The following SHOX variants were observed in gnomAD, a reference collection of about 807,000 sequenced individuals.
SHOX encodes the protein SHOX homeobox.
In SHOX, 12 loss-of-function variants were observed where a neutral mutation model predicts 29.6. The ratio of observed to expected loss-of-function variants is 0.41; its 90% CI spans 0.26 to 0.66. The LOEUF (loss-of-function observed/expected upper bound fraction) is 0.66. Ranked by LOEUF, SHOX falls within the 30% of genes least tolerant of loss-of-function variation. The pLI, the probability that SHOX is intolerant of heterozygous loss-of-function variation, is 0.35. For synonymous variants in SHOX, 214 were observed against 200.6 expected, an observed-to-expected ratio of 1.07 and a Z score of -0.57; for missense variants, 499 against 437.7, an observed-to-expected ratio of 1.14 and a Z score of -1.25.
Position 624,993 on chromosome X carries a change from TTTCC to T in SHOX, c.-433+400_-433+403del, listed in dbSNP as rs1338713963. On this transcript the variant is annotated intron_variant, in intron 1 of 5. Coordinates refer to the SHOX transcript ENST00000334060. Reference sequence around the variant, plus strand: ...TTTCCTTTTCTTTTCCAGAAAGCTTTTTCCTTCCTTCCCTCCTTCCTTCCTTCTC... The same window carrying T: ...TTTCCTTTTCTTTTCCAGAAAGCTTTTTCCTTCCCTCCTTCCTTCCTTCTC... Among the ~76,000 whole-genome samples the T allele has an allele frequency of 2.0e-5, 3 of 149,828 alleles. No homozygotes were observed. In the Admixed American group the frequency reaches 2.0e-4, roughly 10 times the overall value.
chrX:624,701 T>TTTCTTTTCTTTCTTTCTTTC (rs1556451347), intron 1 of SHOX: 1 of 105,370 alleles, frequency 9.5e-6, no homozygotes, highest in African/African-American at 4.0e-5. Context: ...TTCCTCTTTC[T>TTTCTTTTCTTTCTTTCTTTC]TTTCTTTCTT....
chrX:654,602 T>A (rs28647947), downstream of SHOX, among the ~76,000 whole-genome samples: 46,003 of 123,704 alleles, frequency 0.37, 7,157 homozygotes, highest in African/African-American at 0.52. Flanking sequence ...TTATAACAAT[T>A]AAAAAAAGTC....
intron 1 of SHOX, among the ~76,000 whole-genome samples, chrX:625,574 C>G (rs1300702343): frequency 3.3e-5 from 5 of 149,762 alleles, no homozygotes; most frequent in Non-Finnish European, 7.4e-5. Flanking sequence ...GTATCTCTGT[C>G]CATCTCTGTC....
chrX:631,935 C>G (rs953858025), intron 1 of SHOX: 1 of 455,996 alleles, frequency 2.2e-6, no homozygotes, highest in African/African-American at 2.0e-5. Context: ...GCCTTCCCAG[C>G]GCTCAGCGCC....
intron 2 of SHOX, among the ~76,000 whole-genome samples, chrX:639,245 G>C (rs1418115477): frequency 1.3e-5 from 2 of 152,202 alleles, no homozygotes; most frequent in African/African-American, 2.4e-5. Flanking sequence ...TCCTTAGAGG[G>C]GCAGAATGCC....
intron 1 of SHOX, among the ~76,000 whole-genome samples, chrX:625,174 C>A (rs1211005887): frequency 7.5e-6 from 1 of 133,792 alleles, no homozygotes; most frequent in African/African-American, 2.8e-5. Flanking sequence ...CCCCCATCCT[C>A]CCCCTTCATC....
In SHOX at chrX:640,999, G is replaced by T; in HGVS notation, c.545G>T (p.Gly182Val). Reference sequence around the variant, plus strand: ...TGACACCTGCTCCCTTTGGACACAGGCGTCATCTTGGGCACAGCCAACCAC... The same window carrying T: ...TGACACCTGCTCCCTTTGGACACAGTCGTCATCTTGGGCACAGCCAACCAC... ...CRKQENQMHK[G>V]VILGTANHLD... Residue 182 changes from glycine to valine, a missense_variant and splice_region_variant, in exon 4 of 5, where the codon GGC becomes GTC. Gly to Val is a moderately radical substitution (Grantham distance 109). Transcript: ENST00000686671. 1 of 1,613,792 alleles carries T rather than the reference G, an allele frequency of 6.2e-7. No homozygotes were observed. Among genetic ancestry groups the T allele is most frequent in the Non-Finnish European group, 8.5e-7 (1 of 1,179,844 alleles).
At chrX:641,720 A>G (rs2052857679) in intron 4 of SHOX, among the ~76,000 whole-genome samples, 1 of 150,566 alleles carries the variant, frequency 6.6e-6, no homozygotes. Context: ...GGCTGTAAAA[A>G]TCCACTTTTG....
Position 650,605 on chromosome X carries a change from C to G in SHOX, c.*5969C>G, listed in dbSNP as rs2053039475. Among the ~76,000 whole-genome samples, 1 of 151,430 alleles carries G rather than the reference C, an allele frequency of 6.6e-6. No homozygotes were observed. Among genetic ancestry groups the G allele is most frequent in the African/African-American group, 2.4e-5 (1 of 41,178 alleles). ...CTGACCTTTCTAACATTTGTTTTCC[C>G]CTAAGAACAAGCAGAAGCCTCCAGC... On this transcript the variant is annotated 3_prime_UTR_variant, in exon 5 of 5. Transcript: ENST00000686671.
chrX:654,458 C>T (rs1192997899), downstream of SHOX, among the ~76,000 whole-genome samples: 22 of 151,820 alleles, frequency 1.4e-4, no homozygotes, highest in Admixed American at 1.4e-3. Flanking sequence ...TGGAAGAATC[C>T]TTGAAAGTAT....
upstream of SHOX, among the ~76,000 whole-genome samples, chrX:626,299 G>GTC (rs1265582772): frequency 7.1e-5 from 9 of 126,406 alleles, no homozygotes; most frequent in African/African-American, 2.5e-4. Context: ...CTCTACCTCT[G>GTC]TCTCTCTCTC....
chrX:629,013 A>C (rs1172421520), upstream of SHOX, among the ~76,000 whole-genome samples: 37 of 40,010 alleles, frequency 9.2e-4, no homozygotes, highest in East Asian at 1.9e-3. Flanking sequence ...CTCTCTCTCC[A>C]TCTCTCTGTC....
Position 650,840 on chromosome X carries a change from G to C in SHOX, c.*6204G>C, listed in dbSNP as rs1430779950. Among the ~76,000 whole-genome samples, 1 of 121,718 alleles carries C rather than the reference G, an allele frequency of 8.2e-6. No homozygotes were observed. Among genetic ancestry groups the C allele is most frequent in the African/African-American group, 3.1e-5 (1 of 32,668 alleles). 79.9% of individuals were successfully genotyped at this position (121,718 alleles called of 152,430 possible). A position where few individuals can be genotyped will look rare whatever the true frequency, so the allele number is the denominator to read the frequency against. ...AAAAACTGGTGCCTAATTTATTAAAGAGAATTAGCTTAGCGAGTATATGCT... is the reference window on the plus strand; with the variant it reads ...AAAAACTGGTGCCTAATTTATTAAACAGAATTAGCTTAGCGAGTATATGCT... On this transcript the variant is annotated 3_prime_UTR_variant, in exon 5 of 5. Coordinates refer to ENST00000686671, the MANE Select transcript of SHOX (RefSeq NM_000451.4).
rs546139011 is a variant in SHOX, at chrX:650,072, C to T, written c.*5436C>T. 8.4e-4 allele frequency: 382 copies of T among 453,678 alleles called. 4 individuals carry two copies. Among genetic ancestry groups the T allele is most frequent in the South Asian group, 5.9e-3 (376 of 64,104 alleles). The allele number at this position is 453,678 out of a possible 1,614,324, so 28.1% of individuals were successfully genotyped here. ...AATTGCCAAGAGTTAGAAAAATGCA[C>T]CTTCTCTGGTGGCCGTTGGGGTGTT... On this transcript the variant is annotated 3_prime_UTR_variant, in exon 5 of 5. Transcript: ENST00000686671.
chrX:632,874 CCGG>C (rs2052675655), intron 1 of SHOX, among the ~76,000 whole-genome samples: 1 of 152,114 alleles, frequency 6.6e-6, no homozygotes, highest in Non-Finnish European at 1.5e-5. Context: ...TTCGCAGCGC[CCGG>C]CGGCCGCTTC....
intron 4 of SHOX, 139 bp from the exon 5 acceptor site, chrX:644,252 G>C: frequency 9.0e-7 from 1 of 1,115,212 alleles, no homozygotes. Context: ...AGGCGGGTGT[G>C]GGGTGGTCTC....
chrX:636,723 T>TATAAA (rs767545020), intron 2 of SHOX, among the ~76,000 whole-genome samples: 365 of 9,852 alleles, frequency 0.037, 152 homozygotes, highest in African/African-American at 0.094. Flanking sequence ...TATATATACA[T>TATAAA]AAAATATATA....
chrX:639,069 G>A (rs1196180214), intron 2 of SHOX, among the ~76,000 whole-genome samples: 6 of 152,334 alleles, frequency 3.9e-5, no homozygotes, highest in Admixed American at 2.6e-4. Flanking sequence ...CTGTGGAGGA[G>A]GGGATTGTCA....
upstream of SHOX, among the ~76,000 whole-genome samples, chrX:629,299 G>GTT: frequency 7.7e-6 from 1 of 130,078 alleles, no homozygotes; most frequent in Middle Eastern, 5.4e-3. Flanking sequence ...CTCCCTGTCT[G>GTT]TCTCTTTCTC....
Sources: gnomAD v4.1 joint callset for allele counts (sites outside exome capture counted in the v4.1 genomes callset) on GRCh38, gnomAD v4.1.1 for gene constraint, MANE v1.5 for transcripts, NCBI Gene and HGNC (gene_info 2026-07-23, HGNC 2026-07-21) for gene names.